The following CPEB3 variants were observed in gnomAD, a reference collection of about 807,000 sequenced individuals.
The protein encoded by CPEB3 is cytoplasmic polyadenylation element-binding protein 3.
A neutral mutation model predicts 67.2 loss-of-function variants in CPEB3; 20 were observed. The observed-to-expected ratio is 0.30, with a 90% CI of 0.21 to 0.43. CPEB3 has a LOEUF of 0.43. CPEB3 is among the 20% of genes least tolerant of loss of function. The pLI is 1.00. For synonymous variants in CPEB3, 376 were observed against 393.1 expected (o/e 0.96, Z 0.51); for missense variants, 746 against 968.6 (o/e 0.77, Z 3.05).
At chr10:92,090,822 A>G (rs965729037) in intron 8 of CPEB3, among the ~76,000 whole-genome samples, 2 of 152,188 alleles carry the variant, frequency 1.3e-5, no homozygotes, top group South Asian at 4.1e-4. Flanking sequence ...CCGACTGCAG[A>G]TAAAAGGGGA....
At chr10:92,195,736 T>G (rs530960537) in intron 2 of CPEB3, among the ~76,000 whole-genome samples, 8 of 152,284 alleles carry the variant, frequency 5.3e-5, no homozygotes, top group African/African-American at 1.2e-4. Context: ...GACAGTTTAT[T>G]TTTTCATTTA....
chr10:92,163,177 G>GT (rs1847577633), intron 4 of CPEB3, among the ~76,000 whole-genome samples: 1 of 152,182 alleles, frequency 6.6e-6, no homozygotes, highest in African/African-American at 2.4e-5. Flanking sequence ...GCTCACACCT[G>GT]TAATCCCAGC....
chr10:92,056,038 A>G (rs1842098132), intron 9 of CPEB3, among the ~76,000 whole-genome samples: 1 of 152,198 alleles, frequency 6.6e-6, no homozygotes, highest in East Asian at 1.9e-4. Flanking sequence ...ATGTAATAAT[A>G]GTAAAAATAA....
intron 2 of CPEB3, among the ~76,000 whole-genome samples, chr10:92,227,350 A>G (rs181019237): frequency 7.9e-5 from 12 of 152,344 alleles, no homozygotes; most frequent in African/African-American, 2.9e-4. Context: ...TTGTGTTAGT[A>G]GTATCTATTT....
At chr10:92,073,853 C>T (rs1293072394) in intron 9 of CPEB3, among the ~76,000 whole-genome samples, 3 of 152,186 alleles carry the variant, frequency 2.0e-5, no homozygotes, top group Non-Finnish European at 4.4e-5. Flanking sequence ...CTCTTAGATT[C>T]TCCTGTGTGC....
chr10:92,125,459 A>T (rs1845567865), intron 6 of CPEB3, among the ~76,000 whole-genome samples: 1 of 152,218 alleles, frequency 6.6e-6, no homozygotes, highest in South Asian at 2.1e-4. Context: ...AGCAGATGCC[A>T]GCTCCTTTCC....
intron 4 of CPEB3, among the ~76,000 whole-genome samples, chr10:92,170,876 C>G (rs1303024559): frequency 6.6e-6 from 1 of 152,114 alleles, no homozygotes; most frequent in African/African-American, 2.4e-5. Flanking sequence ...TTCTTTGAAC[C>G]ACCACTATGC....
intron 1 of CPEB3, among the ~76,000 whole-genome samples, chr10:92,272,500 T>G (rs1853350980): frequency 6.6e-6 from 1 of 152,202 alleles, no homozygotes; most frequent in Admixed American, 6.6e-5. Context: ...CATCTCTATG[T>G]GGGTATCTAT....
intron 2 of CPEB3, among the ~76,000 whole-genome samples, chr10:92,200,136 C>G (rs1327738266): frequency 1.3e-5 from 2 of 152,162 alleles, no homozygotes; most frequent in Non-Finnish European, 2.9e-5. Flanking sequence ...CCTTTTCTGT[C>G]CTTGGGGGAA....
chr10:92,081,297 T>A (rs372125702), intron 9 of CPEB3, 23 bp downstream of exon 9: 1 of 1,613,958 alleles, frequency 6.2e-7, no homozygotes, highest in Admixed American at 1.7e-5. Context: ...CCCATAGCAG[T>A]TTCACCCTAA....
At chr10:92,198,327 G>A (rs1398879062) in intron 2 of CPEB3, among the ~76,000 whole-genome samples, 1 of 152,130 alleles carries the variant, frequency 6.6e-6, no homozygotes, top group African/African-American at 2.4e-5. Flanking sequence ...TCACAATCCA[G>A]AGACAGGTTT....
intron 4 of CPEB3, 33 bp downstream of exon 4, chr10:92,180,930 T>C: frequency 2.8e-6 from 3 of 1,077,658 alleles, no homozygotes; most frequent in Non-Finnish European, 4.3e-6. Context: ...ACTTGACTGC[T>C]AATTTAATAG....
At chr10:92,146,844 G>T (rs1846707389) in intron 4 of CPEB3, among the ~76,000 whole-genome samples, 1 of 152,136 alleles carries the variant, frequency 6.6e-6, no homozygotes, top group South Asian at 2.1e-4. Context: ...GGGGGTGAAA[G>T]AAATAGATTT....
chr10:92,209,127 G>A (rs1849942705), intron 2 of CPEB3, among the ~76,000 whole-genome samples: 1 of 152,104 alleles, frequency 6.6e-6, no homozygotes, highest in South Asian at 2.1e-4. Flanking sequence ...AGCATACTTG[G>A]AAAAATTTTG....
chr10:92,103,036 C>T (rs1244539827), intron 7 of CPEB3, among the ~76,000 whole-genome samples: 5 of 152,156 alleles, frequency 3.3e-5, no homozygotes, highest in Non-Finnish European at 7.4e-5. Context: ...CAAATGTTTT[C>T]CTGAGGTGCT....
chr10:92,208,068 T>C (rs1040326771), intron 2 of CPEB3, among the ~76,000 whole-genome samples: 1 of 152,178 alleles, frequency 6.6e-6, no homozygotes, highest in African/African-American at 2.4e-5. Flanking sequence ...AAAGAACACC[T>C]TGGTGAGGTT....
chr10:92,090,425 C>T (rs1843565227), intron 8 of CPEB3, among the ~76,000 whole-genome samples: 1 of 152,080 alleles, frequency 6.6e-6, no homozygotes, highest in African/African-American at 2.4e-5. Flanking sequence ...ACCTGTAGTC[C>T]CAACTACTTG....
chr10:92,285,676 A>C (rs1396666394), intron 1 of CPEB3, among the ~76,000 whole-genome samples: 2 of 152,238 alleles, frequency 1.3e-5, no homozygotes, highest in Non-Finnish European at 2.9e-5. Context: ...CAAGTTATAA[A>C]GGATAACTTC....
rs181547592 is a variant in CPEB3 at position 92,155,806 on chromosome 10, G to A, written c.1223-10721C>T. ...ATACAAAGAAGATCGTGACTTTTGA[G>A]AACAATAAAATCAACCTCACAAATA... On this transcript the variant is annotated intron_variant, in intron 4 of 9. Transcript: ENST00000265997. 1.1e-4 allele frequency among the ~76,000 whole-genome samples: 17 copies of A among 151,962 alleles called. No individual in the cohort carries two copies. The East Asian group carries it at 3.1e-3, about 28-fold the overall frequency.
Sources: gnomAD v4.1 joint callset for allele counts (sites outside exome capture counted in the v4.1 genomes callset) on GRCh38, gnomAD v4.1.1 for gene constraint, MANE v1.5 for transcripts, NCBI Gene and HGNC (gene_info 2026-07-23, HGNC 2026-07-21) for gene names.